SUPT3H: variants seen among roughly 807,000 people sequenced by gnomAD.
The protein encoded by SUPT3H is transcription initiation protein SPT3 homolog.
SUPT3H carries 44 observed loss-of-function variants against 44.3 expected under a neutral mutation model. The ratio of observed to expected loss-of-function variants is 0.99; its 90% CI spans 0.78 to 1.28. SUPT3H has a LOEUF of 1.28. Among genes scored for constraint, SUPT3H ranks in the 50% most tolerant of loss-of-function variants. SUPT3H has a pLI of 0.00. For missense variants in SUPT3H, 380 were observed against 387.1 expected (o/e 0.98, Z 0.15); for synonymous variants, 124 against 125.6 (o/e 0.99, Z 0.09).
intron 11 of SUPT3H, among the ~76,000 whole-genome samples, chr6:44,815,076 T>TTG (rs144410922): frequency 5.3e-5 from 8 of 151,848 alleles, no homozygotes; most frequent in Admixed American, 1.3e-4. Flanking sequence ...TATGAACATA[T>TTG]TGTGTGTGTG....
intron 7 of SUPT3H, among the ~76,000 whole-genome samples, chr6:44,961,220 A>G (rs761065634): frequency 2.0e-5 from 3 of 152,196 alleles, no homozygotes; most frequent in East Asian, 3.8e-4. Flanking sequence ...CGAGGTTACT[A>G]GTGTTACTAG....
chr6:45,094,266 A>C (rs775378882), intron 3 of SUPT3H, among the ~76,000 whole-genome samples: 1 of 152,146 alleles, frequency 6.6e-6, no homozygotes, highest in Non-Finnish European at 1.5e-5. Flanking sequence ...ATAGGAGTCT[A>C]GCAGACCAGC....
At chr6:44,879,468 C>T (rs1777848884) in intron 10 of SUPT3H, among the ~76,000 whole-genome samples, 1 of 152,210 alleles carries the variant, frequency 6.6e-6, no homozygotes, top group Non-Finnish European at 1.5e-5. Flanking sequence ...TGGGACAGAG[C>T]ATCTAGGGGA....
chr6:44,817,189 T>C (rs1387696660), intron 11 of SUPT3H, among the ~76,000 whole-genome samples: 21 of 150,734 alleles, frequency 1.4e-4, no homozygotes, highest in Non-Finnish European at 3.1e-4. Flanking sequence ...TAATGAAAGA[T>C]TAGTTCAACA....
intron 2 of SUPT3H, among the ~76,000 whole-genome samples, chr6:45,246,519 A>C (rs568513099): frequency 1.3e-5 from 2 of 152,274 alleles, no homozygotes; most frequent in South Asian, 4.2e-4. Flanking sequence ...GTTTTCTCCA[A>C]ATTATGAAAA....
At chr6:45,184,307 A>T (rs1393905196) in intron 2 of SUPT3H, among the ~76,000 whole-genome samples, 1 of 152,210 alleles carries the variant, frequency 6.6e-6, no homozygotes, top group Non-Finnish European at 1.5e-5. Flanking sequence ...TATATATTTT[A>T]CCACATTAAA....
intron 2 of SUPT3H, among the ~76,000 whole-genome samples, chr6:45,195,640 T>C (rs1562663333): frequency 6.6e-6 from 1 of 152,172 alleles, no homozygotes; most frequent in Admixed American, 6.6e-5. Context: ...TGTTTTTCAT[T>C]TCTGATTGTT....
At chr6:44,826,007 C>T (rs1032864818), downstream of SUPT3H, among the ~76,000 whole-genome samples, 3 of 152,220 alleles carry the variant, frequency 2.0e-5, no homozygotes, top group African/African-American at 7.2e-5. Flanking sequence ...CTTATGACAG[C>T]TTGACTATTT....
In SUPT3H at chr6:45,212,479, CTATGTGTGTG is replaced by C. The variant is rs1295049729; in HGVS notation, c.102-106483_102-106474del. On this transcript the variant is annotated intron_variant, in intron 2 of 10. Coordinates refer to ENST00000371459, the MANE Select transcript of SUPT3H (RefSeq NM_003599.4). ...GTTCTGAAACTTCCCTCCACCTCCA[CTATGTGTGTG>C]TGTGTGTGTGTGTGTGTGTGTGTGT... 2.2e-4 allele frequency among the ~76,000 whole-genome samples: 31 copies of C among 139,958 alleles called. 1 individual carries two copies. The highest frequency in any genetic ancestry group is 1.4e-3 in the South Asian group (6 of 4,280). 91.8% of individuals were successfully genotyped at this position (139,958 alleles called of 152,430 possible).
intron 2 of SUPT3H, among the ~76,000 whole-genome samples, chr6:45,280,110 C>T (rs1208082599): frequency 6.6e-6 from 1 of 152,116 alleles, no homozygotes; most frequent in Non-Finnish European, 1.5e-5. Flanking sequence ...TCTTCTACTG[C>T]AAAAATATGT....
chr6:45,315,551 G>C (rs1429560470), intron 2 of SUPT3H, among the ~76,000 whole-genome samples: 1 of 152,064 alleles, frequency 6.6e-6, no homozygotes, highest in African/African-American at 2.4e-5. Context: ...AATGATCAGG[G>C]AAATGCAAAT....
chr6:45,233,470 A>G (rs1251831264), intron 2 of SUPT3H, among the ~76,000 whole-genome samples: 1 of 152,220 alleles, frequency 6.6e-6, no homozygotes, highest in African/African-American at 2.4e-5. Flanking sequence ...TACTCATGCT[A>G]GTGTCAGAAT....
intron 5 of SUPT3H, among the ~76,000 whole-genome samples, chr6:45,012,396 T>G (rs977993993): frequency 6.6e-6 from 1 of 152,032 alleles, no homozygotes; most frequent in Non-Finnish European, 1.5e-5. Flanking sequence ...TAATGATGTC[T>G]TCAAGTTCAG....
At chr6:45,307,553 G>C (rs996169308) in intron 2 of SUPT3H, among the ~76,000 whole-genome samples, 1 of 152,184 alleles carries the variant, frequency 6.6e-6, no homozygotes, top group African/African-American at 2.4e-5. Context: ...ATGCAGCTGA[G>C]GGTCCTGACT....
intron 2 of SUPT3H, among the ~76,000 whole-genome samples, chr6:45,288,693 T>G (rs570480452): frequency 2.0e-5 from 3 of 149,918 alleles, no homozygotes; most frequent in African/African-American, 7.3e-5. Context: ...AATTCATTAA[T>G]TCCTTGCAAT....
chr6:44,927,740 A>G (rs563210888), intron 10 of SUPT3H, among the ~76,000 whole-genome samples: 10 of 152,226 alleles, frequency 6.6e-5, no homozygotes, highest in Non-Finnish European at 1.3e-4. Flanking sequence ...TTCAGGAACA[A>G]TAATTTTTAC....
chr6:45,306,494 C>G (rs1366414840), intron 2 of SUPT3H, among the ~76,000 whole-genome samples: 3 of 152,150 alleles, frequency 2.0e-5, no homozygotes, highest in Admixed American at 6.5e-5. Flanking sequence ...TGTACCCTAA[C>G]CAACAAGCGC....
rs910892347 is a variant in SUPT3H at position 44,885,751 on chromosome 6, A to T, written c.912+46902T>A. On this transcript the variant is annotated intron_variant, in intron 10 of 10. Coordinates refer to ENST00000371459, the MANE Select transcript of SUPT3H (RefSeq NM_003599.4). ...AACACAGTTCCTCACCAGCAACGGA[A>T]CAAAGCCGGACGGAGAATGACTTTG... Among the ~76,000 whole-genome samples, 4 of 152,352 alleles carry T rather than the reference A, an allele frequency of 2.6e-5. No homozygotes were observed. The East Asian group carries it at 5.8e-4, about 22-fold the overall frequency.
intron 10 of SUPT3H, among the ~76,000 whole-genome samples, chr6:44,912,722 C>T (rs954930982): frequency 2.0e-5 from 3 of 152,188 alleles, no homozygotes; most frequent in Non-Finnish European, 4.4e-5. Flanking sequence ...AAGTTTAACA[C>T]TTATCTACAG....
Sources: gnomAD v4.1 joint callset for allele counts (sites outside exome capture counted in the v4.1 genomes callset) on GRCh38, gnomAD v4.1.1 for gene constraint, MANE v1.5 for transcripts, NCBI Gene and HGNC (gene_info 2026-07-23, HGNC 2026-07-21) for gene names.